COL14A1: variants seen among roughly 807,000 people sequenced by gnomAD.
COL14A1 encodes collagen type XIV alpha 1 chain, also known as collagen alpha-1(XIV) chain.
In COL14A1, 136 loss-of-function variants were observed where a neutral mutation model predicts 230.3. The ratio of observed to expected loss-of-function variants is 0.59; its 90% CI spans 0.51 to 0.68. The LOEUF (loss-of-function observed/expected upper bound fraction) is 0.68. Among genes scored for constraint, COL14A1 ranks in the 30% least tolerant of loss-of-function variants. The pLI is 0.00. For missense variants in COL14A1, 1,976 were observed against 2,215.8 expected (o/e 0.89, Z 2.17); for synonymous variants, 792 against 784.1 (o/e 1.01, Z -0.17).
chr8:120,228,368 G>T (rs1818159790), intron 17 of COL14A1, among the ~76,000 whole-genome samples: 1 of 152,188 alleles, frequency 6.6e-6, no homozygotes, highest in Non-Finnish European at 1.5e-5. Flanking sequence ...TCACAACTTG[G>T]TCTACAGCAC....
chr8:120,255,089 C>T (rs915448831), intron 22 of COL14A1, 151 bp from the exon 23 acceptor site: 44 of 671,236 alleles, frequency 6.6e-5, no homozygotes, highest in South Asian at 5.1e-4. Context: ...AAACATTTAT[C>T]TTTTGTATAC....
intron 42 of COL14A1, among the ~76,000 whole-genome samples, chr8:120,335,487 C>CT (rs1586875322): frequency 6.6e-6 from 1 of 152,080 alleles, no homozygotes; most frequent in African/African-American, 2.4e-5. Context: ...CCAGCCCAGA[C>CT]TTTTTTGGGC....
intron 44 of COL14A1, among the ~76,000 whole-genome samples, chr8:120,345,056 G>T (rs1822449795): frequency 6.6e-6 from 1 of 152,104 alleles, no homozygotes; most frequent in African/African-American, 2.4e-5. Flanking sequence ...GCTGGGTGAG[G>T]GTCTAGGGGT....
In COL14A1 at chr8:120,125,188, G is replaced by GGAGAGA. The variant is rs1193951841; in HGVS notation, c.-187_-182dup. The GGAGAGA allele has an allele frequency of 6.5e-6, 1 of 152,794 alleles. No individual in the cohort carries two copies. The highest frequency in any genetic ancestry group is 1.9e-4 in the East Asian group (1 of 5,196). The allele number at this position is 152,794 out of a possible 1,614,324, so 9.5% of individuals were successfully genotyped here. A position where few individuals can be genotyped will look rare whatever the true frequency, so the allele number is the denominator to read the frequency against. On this transcript the variant is annotated 5_prime_UTR_variant, in exon 1 of 48. Coordinates refer to ENST00000297848, the MANE Select transcript of COL14A1 (RefSeq NM_021110.4). Reference sequence around the variant, plus strand: ...TGGAAGCGCAGCGGCAGAAGGAGAGGGAGAGAGAAAGAGAGAGAGGCTAAT... The same window carrying GGAGAGA: ...TGGAAGCGCAGCGGCAGAAGGAGAGGGAGAGAGAGAGAGAAAGAGAGAGAGGCTAAT...
intron 4 of COL14A1, among the ~76,000 whole-genome samples, chr8:120,166,915 T>TGTGTGTGC (rs1554600799): frequency 6.8e-6 from 1 of 146,962 alleles, no homozygotes; most frequent in African/African-American, 2.5e-5. Context: ...TGTGTGTGTG[T>TGTGTGTGC]GTGTGTGGTG....
At chr8:120,165,882 C>T (rs563167404) in intron 4 of COL14A1, among the ~76,000 whole-genome samples, 1 of 152,264 alleles carries the variant, frequency 6.6e-6, no homozygotes, top group East Asian at 1.9e-4. Context: ...TGGGGGCACC[C>T]ATAAGCCAAG....
At chr8:120,326,506 G>C (rs919983397) in intron 40 of COL14A1, among the ~76,000 whole-genome samples, 7 of 152,032 alleles carry the variant, frequency 4.6e-5, no homozygotes, top group Admixed American at 1.3e-4. Context: ...ATCTTTCAAA[G>C]GCAAATTTAC....
At chr8:120,208,555 A>G (rs1817520505) in intron 11 of COL14A1, among the ~76,000 whole-genome samples, 194 bp downstream of exon 11, 2 of 152,166 alleles carry the variant, frequency 1.3e-5, no homozygotes, top group African/African-American at 4.8e-5. Flanking sequence ...CTATGTCTTG[A>G]AAAAGTTGTT....
At chr8:120,341,045 G>GT (rs1197539111) in intron 42 of COL14A1, among the ~76,000 whole-genome samples, 1 of 152,156 alleles carries the variant, frequency 6.6e-6, no homozygotes, top group Non-Finnish European at 1.5e-5. Flanking sequence ...GTGAAAATAT[G>GT]TGTTACAAAG....
At chr8:120,131,838 C>CTTTTT (rs1172286717) in intron 1 of COL14A1, among the ~76,000 whole-genome samples, 13 of 68,980 alleles carry the variant, frequency 1.9e-4, no homozygotes, top group East Asian at 5.1e-4. Flanking sequence ...TTCTTCCTTT[C>CTTTTT]TTTTTTTTTT....
intron 15 of COL14A1, among the ~76,000 whole-genome samples, chr8:120,226,211 G>A (rs1476991581): frequency 6.6e-6 from 1 of 151,664 alleles, no homozygotes; most frequent in Non-Finnish European, 1.5e-5. Flanking sequence ...TTAATACCAG[G>A]GAGCAATTTA....
intron 2 of COL14A1, 126 bp downstream of exon 2, chr8:120,148,056 G>C (rs1815154790): frequency 1.6e-6 from 1 of 629,720 alleles, no homozygotes. Flanking sequence ...TGTTTGCACT[G>C]TAGAAATATA....
intron 1 of COL14A1, among the ~76,000 whole-genome samples, chr8:120,147,068 TAA>T (rs1815113678): frequency 6.6e-6 from 1 of 151,992 alleles, no homozygotes; most frequent in Admixed American, 6.6e-5. Context: ...CTTCTTTTTC[TAA>T]AAGTTTTTTA....
At chr8:120,370,251 A>G in intron 47 of COL14A1, 1 of 1,382,914 alleles carries the variant, frequency 7.2e-7, no homozygotes, top group African/African-American at 1.4e-5. Context: ...TATCACAGGA[A>G]TTGGTCAACA....
intron 20 of COL14A1, 134 bp downstream of exon 20, chr8:120,244,142 G>T: frequency 9.7e-7 from 1 of 1,030,652 alleles, no homozygotes; most frequent in Non-Finnish European, 1.4e-6. Flanking sequence ...AAATCTGTCT[G>T]CATCCTGTCT....
In COL14A1 at chr8:120,300,879, G is replaced by C. The variant is rs182568656; in HGVS notation, c.4401+61G>C. 2.4e-4 allele frequency: 317 copies of C among 1,309,700 alleles called. 1 individual carries two copies. The African/African-American group carries it at 3.7e-3, about 15-fold the overall frequency. The allele number at this position is 1,309,700 out of a possible 1,614,324, so 81.1% of individuals were successfully genotyped here. A position where few individuals can be genotyped will look rare whatever the true frequency, so the allele number is the denominator to read the frequency against. On this transcript the variant is annotated intron_variant, in intron 36 of 47. Coordinates refer to ENST00000297848, the MANE Select transcript of COL14A1 (RefSeq NM_021110.4). The stretch of plus-strand genomic sequence containing the variant: ...AATAATATTAATAGCTATCACTTGT[G>C]TGTCTAATATGTGTTGTCTACTGTA...
chr8:120,225,323 A>T, intron 15 of COL14A1, 109 bp downstream of exon 15: 1 of 915,252 alleles, frequency 1.1e-6, no homozygotes, highest in Non-Finnish European at 1.6e-6. Flanking sequence ...ATTAAATTTT[A>T]ATTTTTATTT....
intron 40 of COL14A1, among the ~76,000 whole-genome samples, chr8:120,324,017 T>G (rs1821563185): frequency 6.6e-6 from 1 of 152,088 alleles, no homozygotes; most frequent in Non-Finnish European, 1.5e-5. Context: ...GGGAGCTAAA[T>G]GTTGAGTACA....
At chr8:120,127,329 C>T (rs1814376081) in intron 1 of COL14A1, among the ~76,000 whole-genome samples, 1 of 152,202 alleles carries the variant, frequency 6.6e-6, no homozygotes, top group Non-Finnish European at 1.5e-5. Context: ...CCACTGCAGC[C>T]CTGACCTCCT....
Sources: gnomAD v4.1 joint callset for allele counts (sites outside exome capture counted in the v4.1 genomes callset) on GRCh38, gnomAD v4.1.1 for gene constraint, MANE v1.5 for transcripts, NCBI Gene and HGNC (gene_info 2026-07-23, HGNC 2026-07-21) for gene names.